Variants in NRCAM observed in about 807,000 individuals in gnomAD.
NRCAM encodes the protein NgCAM-related cell adhesion molecule.
NRCAM carries 83 observed loss-of-function variants against 156.5 expected under a neutral mutation model. That is an observed-to-expected ratio of 0.53 (90% CI 0.44 to 0.64). NRCAM has a LOEUF of 0.64. NRCAM is among the 30% of genes least tolerant of loss of function. NRCAM has a pLI of 0.00. For missense variants in NRCAM, 1,417 were observed against 1,597.3 expected, an observed-to-expected ratio of 0.89 and a Z score of 1.92; for synonymous variants, 538 against 563.9, an observed-to-expected ratio of 0.95 and a Z score of 0.65.
intron 8 of NRCAM, among the ~76,000 whole-genome samples, chr7:108,229,034 T>C (rs1408526483): frequency 6.6e-6 from 1 of 152,224 alleles, no homozygotes; most frequent in East Asian, 1.9e-4. Flanking sequence ...TCTTTAGTAA[T>C]GTATATGTCT....
chr7:108,436,732 C>T (rs1245487537), intron 1 of NRCAM, among the ~76,000 whole-genome samples: 1 of 149,202 alleles, frequency 6.7e-6, no homozygotes, highest in Non-Finnish European at 1.5e-5. Context: ...AAAAAAATGA[C>T]TACCTACAGT....
At chr7:108,265,873 C>T (rs529569199) in intron 3 of NRCAM, among the ~76,000 whole-genome samples, 119 of 152,248 alleles carry the variant, frequency 7.8e-4, no homozygotes, top group Non-Finnish European at 1.5e-3. Flanking sequence ...CCATTTACAA[C>T]AAAATACACC....
intron 4 of NRCAM, among the ~76,000 whole-genome samples, chr7:108,239,568 G>C (rs1272353141): frequency 6.6e-6 from 1 of 152,076 alleles, no homozygotes; most frequent in Non-Finnish European, 1.5e-5. Flanking sequence ...AAGTGGTGAA[G>C]GGATGAGTGG....
chr7:108,455,407 G>A (rs1855822716), intron 1 of NRCAM, among the ~76,000 whole-genome samples: 1 of 152,156 alleles, frequency 6.6e-6, no homozygotes, highest in African/African-American at 2.4e-5. Flanking sequence ...CGGAGCGGAT[G>A]CCAGATCCCA....
chr7:108,225,730 G>A (rs755127615), intron 9 of NRCAM, 29 bp from the exon 10 acceptor site: 12 of 1,428,034 alleles, frequency 8.4e-6, no homozygotes, highest in Non-Finnish European at 1.2e-5. Context: ...TATGAAGAGG[G>A]CATAAAAGTG....
At chr7:108,237,200 C>T (rs756381235) in intron 5 of NRCAM, among the ~76,000 whole-genome samples, 1 of 152,170 alleles carries the variant, frequency 6.6e-6, no homozygotes, top group African/African-American at 2.4e-5. Flanking sequence ...GCAAGCCATT[C>T]AAATACCATG....
At chr7:108,322,006 G>A (rs1033865683) in intron 2 of NRCAM, among the ~76,000 whole-genome samples, 4 of 152,212 alleles carry the variant, frequency 2.6e-5, no homozygotes, top group East Asian at 3.8e-4. Context: ...AAAGGAAGGC[G>A]AGGAAGACTT....
intron 2 of NRCAM, among the ~76,000 whole-genome samples, chr7:108,313,696 T>C (rs1563222164): frequency 1.3e-5 from 2 of 152,226 alleles, no homozygotes; most frequent in Non-Finnish European, 2.9e-5. Context: ...TTTCATTGCA[T>C]GTGAAGCAAT....
intron 3 of NRCAM, among the ~76,000 whole-genome samples, chr7:108,250,819 A>T (rs2153896395): frequency 6.6e-6 from 1 of 152,326 alleles, no homozygotes; most frequent in Non-Finnish European, 1.5e-5. Context: ...ATTTTACATG[A>T]TGTGATTATT....
intron 1 of NRCAM, among the ~76,000 whole-genome samples, chr7:108,422,341 T>C (rs1811096243): frequency 6.6e-6 from 1 of 152,194 alleles, no homozygotes; most frequent in African/African-American, 2.4e-5. Flanking sequence ...TCAACTGTTT[T>C]GGGAGGTGGG....
intron 30 of NRCAM, among the ~76,000 whole-genome samples, chr7:108,164,299 C>T (rs930008154): frequency 2.0e-5 from 3 of 152,024 alleles, no homozygotes; most frequent in Admixed American, 1.3e-4. Context: ...CCGCCTATCT[C>T]GTCTGTTTTT....
At chr7:108,156,243 T>G (rs2045388864) in intron 32 of NRCAM, 1 of 965,028 alleles carries the variant, frequency 1.0e-6, no homozygotes, top group African/African-American at 1.8e-5. Flanking sequence ...CAAGCCCATG[T>G]TCACATGAAT....
At chr7:108,161,890 A>T (rs2049265437) in intron 30 of NRCAM, among the ~76,000 whole-genome samples, 2 of 152,092 alleles carry the variant, frequency 1.3e-5, no homozygotes. Flanking sequence ...CTCGTGCCTT[A>T]TTAGAGAAGT....
chr7:108,370,195 A>C (rs2154340306), intron 2 of NRCAM, among the ~76,000 whole-genome samples: 1 of 152,314 alleles, frequency 6.6e-6, no homozygotes, highest in East Asian at 1.9e-4. Context: ...ATTACTAGAA[A>C]GGAATTTAAT....
chr7:108,455,847 G>A (rs9649308), intron 1 of NRCAM, among the ~76,000 whole-genome samples: 38,194 of 152,078 alleles, frequency 0.25, 5,159 homozygotes, highest in Non-Finnish European at 0.31. Context: ...CCGCCGTGCC[G>A]GGCCCGCAGG....
At chr7:108,365,559 T>C (rs116767771) in intron 2 of NRCAM, among the ~76,000 whole-genome samples, 1,999 of 152,252 alleles carry the variant, frequency 0.013, 43 homozygotes, top group African/African-American at 0.046. Context: ...TAAGATAATA[T>C]GAAAAAGGCT....
chr7:108,203,578 T>C (rs1195998661), intron 13 of NRCAM, among the ~76,000 whole-genome samples: 1 of 152,138 alleles, frequency 6.6e-6, no homozygotes, highest in Non-Finnish European at 1.5e-5. Context: ...ACAGTATTTA[T>C]GTGCACTCGG....
intron 10 of NRCAM, 136 bp downstream of exon 10, chr7:108,225,509 A>G: frequency 1.4e-6 from 1 of 691,972 alleles, no homozygotes; most frequent in Admixed American, 2.2e-5. Flanking sequence ...TAAGAAACAT[A>G]CATTTATACT....
At chr7:108,309,170 T>C (rs1430550351) in intron 3 of NRCAM, among the ~76,000 whole-genome samples, 3 of 152,214 alleles carry the variant, frequency 2.0e-5, no homozygotes, top group Non-Finnish European at 4.4e-5. Context: ...AGAGGGACTG[T>C]CCAAGTATGC....
Sources: gnomAD v4.1 joint callset for allele counts (sites outside exome capture counted in the v4.1 genomes callset) on GRCh38, gnomAD v4.1.1 for gene constraint, MANE v1.5 for transcripts, NCBI Gene and HGNC (gene_info 2026-07-23, HGNC 2026-07-21) for gene names.